ENOX1: variants seen among roughly 807,000 people sequenced by gnomAD.
The protein encoded by ENOX1 is candidate growth-related and time keeping constitutive hydroquinone (NADH) oxidase.
A neutral mutation model predicts 82.5 loss-of-function variants in ENOX1; 42 were observed. That is an observed-to-expected ratio of 0.51 (90% confidence interval 0.40 to 0.66). The LOEUF (loss-of-function observed/expected upper bound fraction) is 0.66, where lower values mean the gene tolerates loss of function less well. Ranked by LOEUF, ENOX1 falls within the 30% of genes least tolerant of loss-of-function variation. The pLI, the probability that ENOX1 is intolerant of heterozygous loss-of-function variation, is 0.00. For missense variants in ENOX1, 608 were observed against 811.6 expected (o/e 0.75, Z 3.05); for synonymous variants, 271 against 282.2 (o/e 0.96, Z 0.40).
chr13:43,754,638 G>T (rs1950550458), intron 1 of ENOX1, among the ~76,000 whole-genome samples: 1 of 151,822 alleles, frequency 6.6e-6, no homozygotes, highest in African/African-American at 2.4e-5. Context: ...AGGCTAGAGT[G>T]CAGTGGCACA....
At chr13:43,277,135 T>A (rs1469966505) in intron 12 of ENOX1, among the ~76,000 whole-genome samples, 1 of 152,236 alleles carries the variant, frequency 6.6e-6, no homozygotes, top group Non-Finnish European at 1.5e-5. Context: ...CAGCCTAATA[T>A]GCTATTACAC....
intron 15 of ENOX1, among the ~76,000 whole-genome samples, chr13:43,234,392 TA>T (rs1168468826): frequency 6.6e-6 from 1 of 152,158 alleles, no homozygotes; most frequent in East Asian, 1.9e-4. Flanking sequence ...GGTAGCAAGG[TA>T]ATGGATAACT....
chr13:43,257,202 C>T (rs1460596145), intron 14 of ENOX1, among the ~76,000 whole-genome samples: 2 of 152,128 alleles, frequency 1.3e-5, no homozygotes, highest in Non-Finnish European at 2.9e-5. Flanking sequence ...TGCAGGAATA[C>T]ACTTAGATAG....
chr13:43,704,190 A>G (rs1247173456), intron 1 of ENOX1, among the ~76,000 whole-genome samples: 2 of 152,092 alleles, frequency 1.3e-5, no homozygotes, highest in East Asian at 3.9e-4. Flanking sequence ...AAGAAGAAGA[A>G]AAAGTAAAAC....
chr13:43,574,699 C>G lies in ENOX1; in HGVS notation c.-218-90547G>C, dbSNP rs76917580. Among the ~76,000 whole-genome samples the G allele has an allele frequency of 1.6e-3, 239 of 152,300 alleles. 1 individual carries two copies. Among genetic ancestry groups the G allele is most frequent in the African/African-American group, 5.4e-3 (226 of 41,556 alleles). On this transcript the variant is annotated intron_variant, in intron 2 of 16. Transcript: ENST00000690772. ...TTTTCCACTTTCATCTCAGTCAGGG[C>G]ATCTGTGCTATTTTAATCTGCCATG... is the stretch of plus-strand genomic sequence containing the variant.
chr13:43,471,676 G>A (rs1455635581), intron 3 of ENOX1, among the ~76,000 whole-genome samples: 1 of 152,018 alleles, frequency 6.6e-6, no homozygotes, highest in Non-Finnish European at 1.5e-5. Flanking sequence ...CTGGCGTGGT[G>A]GCAGGCGCCT....
At chr13:43,774,876 T>G (rs954030603) in intron 1 of ENOX1, among the ~76,000 whole-genome samples, 1 of 151,934 alleles carries the variant, frequency 6.6e-6, no homozygotes, top group African/African-American at 2.4e-5. Flanking sequence ...TGAGATGGAG[T>G]TTCGCTCTTG....
At chr13:43,523,109 T>C (rs1053453849) in intron 2 of ENOX1, among the ~76,000 whole-genome samples, 2 of 152,148 alleles carry the variant, frequency 1.3e-5, no homozygotes, top group Admixed American at 1.3e-4. Context: ...AGTCCCTCAC[T>C]CCCATCCTCT....
chr13:43,704,043 ATG>A (rs1011612085), intron 1 of ENOX1, among the ~76,000 whole-genome samples: 11 of 152,224 alleles, frequency 7.2e-5, no homozygotes, highest in Admixed American at 2.0e-4. Context: ...TGATAGAATT[ATG>A]GATAACAAAT....
At position 43,244,908 on chromosome 13, in the gene ENOX1, C is replaced by T. The variant is rs560809148; in HGVS notation, c.1612-8170G>A. Among the ~76,000 whole-genome samples, 27 of 152,270 alleles carry T rather than the reference C, an allele frequency of 1.8e-4. 1 individual carries two copies. The South Asian group carries it at 4.6e-3, about 26-fold the overall frequency. ...TCTTAAACATCACACTTCATGAAAT[C>T]GGGGGCCCTATAGATAATTGTCAAG... On this transcript the variant is annotated intron_variant, in intron 14 of 16. Transcript: ENST00000690772.
At chr13:43,237,937 T>G (rs2042629749) in intron 14 of ENOX1, among the ~76,000 whole-genome samples, 1 of 152,208 alleles carries the variant, frequency 6.6e-6, no homozygotes, top group African/African-American at 2.4e-5. Context: ...GAAATTGCAG[T>G]TGGTAATATC....
chr13:43,260,601 A>G (rs2044000149), intron 14 of ENOX1, among the ~76,000 whole-genome samples: 1 of 152,238 alleles, frequency 6.6e-6, no homozygotes, highest in African/African-American at 2.4e-5. Flanking sequence ...AGACACACAC[A>G]TGCAAGGATC....
At chr13:43,313,050 A>G (rs1369133284) in intron 11 of ENOX1, among the ~76,000 whole-genome samples, 3 of 152,202 alleles carry the variant, frequency 2.0e-5, no homozygotes, top group Non-Finnish European at 4.4e-5. Flanking sequence ...AAGGCATTTG[A>G]AAGAGATTCT....
At chr13:43,522,454 A>G (rs531676473) in intron 2 of ENOX1, among the ~76,000 whole-genome samples, 199 of 152,300 alleles carry the variant, frequency 1.3e-3, no homozygotes, top group Non-Finnish European at 2.3e-3. Flanking sequence ...TCAAGCACAC[A>G]GAATCCTAGA....
At chr13:43,603,261 T>C (rs2153732779) in intron 2 of ENOX1, among the ~76,000 whole-genome samples, 2 of 152,182 alleles carry the variant, frequency 1.3e-5, no homozygotes, top group South Asian at 4.1e-4. Flanking sequence ...CCCCATAAGT[T>C]ATAATATGTC....
At chr13:43,760,802 G>A (rs1950918342) in intron 1 of ENOX1, among the ~76,000 whole-genome samples, 1 of 150,056 alleles carries the variant, frequency 6.7e-6, no homozygotes, top group Non-Finnish European at 1.5e-5. Context: ...GGGACAAGAG[G>A]CACTGCACTT....
intron 14 of ENOX1, among the ~76,000 whole-genome samples, chr13:43,265,183 G>T (rs899698564): frequency 5.3e-5 from 8 of 152,298 alleles, no homozygotes; most frequent in Non-Finnish European, 1.0e-4. Context: ...TGATGGTGGG[G>T]ATTAGCTCAC....
intron 2 of ENOX1, among the ~76,000 whole-genome samples, chr13:43,606,790 C>A (rs896368178): frequency 2.0e-5 from 3 of 151,490 alleles, no homozygotes; most frequent in Admixed American, 1.3e-4. Flanking sequence ...CTGAAGTGGG[C>A]GAATCATTGA....
intron 15 of ENOX1, among the ~76,000 whole-genome samples, chr13:43,226,907 A>G (rs984379573): frequency 4.6e-5 from 7 of 152,336 alleles, no homozygotes; most frequent in Admixed American, 3.9e-4. Flanking sequence ...ACAAGGGTGT[A>G]TAAGTCTCCC....
Sources: allele counts gnomAD v4.1 joint callset (sites outside exome capture counted in the v4.1 genomes callset), GRCh38; gene constraint gnomAD v4.1.1; transcripts MANE v1.5; gene names NCBI Gene and HGNC (gene_info 2026-07-23, HGNC 2026-07-21).